Variants in CLIP1 observed in about 807,000 individuals in gnomAD.
The protein encoded by CLIP1 is CAP-Gly domain containing linker protein 1.
Under a neutral mutation model 161.6 loss-of-function variants are expected in CLIP1, and 66 were observed. The ratio of observed to expected loss-of-function variants is 0.41; its 90% CI spans 0.33 to 0.50. The LOEUF (loss-of-function observed/expected upper bound fraction) is 0.50, where lower values mean the gene tolerates loss of function less well. Ranked by LOEUF, CLIP1 falls within the 20% of genes least tolerant of loss-of-function variation. The probability of loss-of-function intolerance (pLI) is 0.27; values close to 1 mark genes in which losing one functional copy is unlikely to be tolerated. For synonymous variants in CLIP1, 598 were observed against 626.2 expected, an observed-to-expected ratio of 0.96 and a Z score of 0.67; for missense variants, 1,376 against 1,702.0, an observed-to-expected ratio of 0.81 and a Z score of 3.37.
intron 9 of CLIP1, among the ~76,000 whole-genome samples, chr12:122,350,015 C>T (rs1952947575): frequency 6.6e-6 from 1 of 151,730 alleles, no homozygotes; most frequent in Non-Finnish European, 1.5e-5. Flanking sequence ...AGCGATTCTC[C>T]TGCCTCAGCC....
intron 11 of CLIP1, among the ~76,000 whole-genome samples, chr12:122,340,331 AG>A (rs1952442219): frequency 6.6e-6 from 1 of 152,130 alleles, no homozygotes; most frequent in Non-Finnish European, 1.5e-5. Context: ...CACCTGCCTC[AG>A]CCTCCCAAAG....
intron 1 of CLIP1, among the ~76,000 whole-genome samples, chr12:122,390,032 G>C (rs983657365): frequency 1.3e-5 from 2 of 149,046 alleles, no homozygotes; most frequent in African/African-American, 2.5e-5. Context: ...GCCATGTGAC[G>C]CGCCTGTTCC....
rs1951901515 is a variant in CLIP1 at position 122,330,597 on chromosome 12, G to GTTTTTTTTTGTTTTTT, written c.2868-2172_2868-2171insAAAAAACAAAAAAAAA. On this transcript the variant is annotated intron_variant, in intron 15 of 25. Transcript: ENST00000620786. Reference sequence around the variant, plus strand: ...TTCAGCACTGAAGAAGTATAATGCAGTTTTTTTTTTTTTTTTTTTTGAGAT... The same window carrying GTTTTTTTTTGTTTTTT: ...TTCAGCACTGAAGAAGTATAATGCAGTTTTTTTTTGTTTTTTTTTTTTTTTTTTTTTTTTTTGAGAT... Among the ~76,000 whole-genome samples, 52 of 101,376 alleles carry GTTTTTTTTTGTTTTTT rather than the reference G, an allele frequency of 5.1e-4. 1 individual carries two copies. Among genetic ancestry groups the GTTTTTTTTTGTTTTTT allele is most frequent in the African/African-American group, 2.1e-3 (48 of 22,774 alleles). 66.5% of individuals were successfully genotyped at this position (101,376 alleles called of 152,430 possible).
At chr12:122,316,141 T>C (rs1450658809) in intron 19 of CLIP1, among the ~76,000 whole-genome samples, 2 of 150,962 alleles carry the variant, frequency 1.3e-5, no homozygotes, top group East Asian at 2.0e-4. Context: ...TCACTTGAGG[T>C]CGGAAGTTCA....
chr12:122,357,372 G>A (rs1425596581), intron 5 of CLIP1, among the ~76,000 whole-genome samples: 5 of 149,592 alleles, frequency 3.3e-5, no homozygotes, highest in Admixed American at 6.6e-5. Flanking sequence ...CAACCGCCCC[G>A]TCTGAGAAGT....
rs367691039 is a variant in CLIP1 at position 122,327,989 on chromosome 12, C to G, written c.3207G>C (p.Leu1069=). The change falls in exon 17 of 26, where the codon CTG becomes CTC. Residue 1069 remains leucine, a synonymous_variant. Coordinates refer to ENST00000620786, the MANE Select transcript of CLIP1 (RefSeq NM_001247997.2). ...GCTTTCTCAGCTCCTCCAGCTCCTG[C>G]AGCAAGCCACTGTTCTCCTCCCGTG... The part of the protein sequence containing the change: ...KGAREENSGL[L]QELEELRKQA... 5.0e-6 allele frequency: 8 copies of G among 1,614,150 alleles called. No homozygotes were observed. In the African/African-American group the frequency reaches 1.1e-4, roughly 22 times the overall value.
chr12:122,275,652 A>ATG (rs1566065855), intron 24 of CLIP1: 141 of 151,078 alleles, frequency 9.3e-4, no homozygotes, highest in African/African-American at 3.2e-3. Flanking sequence ...GCGCACACAC[A>ATG]CACACACACA....
rs1376849580 is a variant in CLIP1, at chr12:122,332,972, AAC to A, written c.2867+13_2867+14del. ...CTAACCTAAGGTCAGCACTCTTTTCAACAGTCACATATACCTTTCTTTCAGAC... is the reference window on the plus strand; with the variant it reads ...CTAACCTAAGGTCAGCACTCTTTTCAAGTCACATATACCTTTCTTTCAGAC... On this transcript the variant is annotated intron_variant, in intron 15 of 25. Coordinates refer to ENST00000620786, the MANE Select transcript of CLIP1 (RefSeq NM_001247997.2). 1.9e-6 allele frequency: 3 copies of A among 1,608,824 alleles called. No individual in the cohort carries two copies. The highest frequency in any genetic ancestry group is 1.7e-5 in the Admixed American group (1 of 59,354).
Position 122,363,570 on chromosome 12 carries a change from G to A in CLIP1, c.782+413C>T, listed in dbSNP as rs142349048. 4.0e-5 allele frequency among the ~76,000 whole-genome samples: 6 copies of A among 151,704 alleles called. No homozygotes were observed. In the East Asian group the frequency reaches 1.2e-3, roughly 29 times the overall value. On this transcript the variant is annotated intron_variant, in intron 4 of 25. Coordinates refer to ENST00000620786, the MANE Select transcript of CLIP1 (RefSeq NM_001247997.2). ...CTTGGCGGTCTGTTCTCCTGCCGCA[G>A]GATGGAATTCTCATCAAATATGAAG...
At chr12:122,387,590 A>ATTTTTTTTTTT (rs139790813) in intron 1 of CLIP1, among the ~76,000 whole-genome samples, 3 of 6,270 alleles carry the variant, frequency 4.8e-4, no homozygotes, top group African/African-American at 6.8e-4. Flanking sequence ...ATATATATAT[A>ATTTTTTTTTTT]TTTTTTTTTT....
At chr12:122,371,890 A>T (rs977366790) in intron 3 of CLIP1, among the ~76,000 whole-genome samples, 2 of 152,234 alleles carry the variant, frequency 1.3e-5, no homozygotes, top group Non-Finnish European at 2.9e-5. Flanking sequence ...TGCTTAACGC[A>T]GCTTCTCTGC....
intron 1 of CLIP1, among the ~76,000 whole-genome samples, chr12:122,382,971 C>T (rs1955072617): frequency 6.6e-6 from 1 of 152,182 alleles, no homozygotes; most frequent in Non-Finnish European, 1.5e-5. Context: ...ACTCTCACCA[C>T]ACAGCTTGCA....
chr12:122,412,996 A>G (rs1373468550), intron 1 of CLIP1, among the ~76,000 whole-genome samples: 1 of 152,206 alleles, frequency 6.6e-6, no homozygotes, highest in Admixed American at 6.5e-5. Context: ...GTTTCATGTA[A>G]TAAAGACACC....
At chr12:122,309,551 T>C (rs1166790715) in intron 20 of CLIP1, among the ~76,000 whole-genome samples, 1 of 152,200 alleles carries the variant, frequency 6.6e-6, no homozygotes, top group Non-Finnish European at 1.5e-5. Flanking sequence ...GTGTTCTGTG[T>C]GTTTTTTAAA....
At chr12:122,354,336 A>C in intron 7 of CLIP1, 117 bp downstream of exon 7, 1 of 639,606 alleles carries the variant, frequency 1.6e-6, no homozygotes, top group South Asian at 1.7e-5. Context: ...CAGAGGTTGT[A>C]GTGAGCTGAG....
chr12:122,341,763 T>C (rs12828887), intron 10 of CLIP1, 66 bp from the exon 11 acceptor site: 5,232 of 121,968 alleles, frequency 0.043, 151 homozygotes, highest in East Asian at 0.4. Flanking sequence ...TTTTCTTTTC[T>C]TTTTTTTTTT....
intron 11 of CLIP1, among the ~76,000 whole-genome samples, chr12:122,338,589 C>A (rs1053651533): frequency 1.3e-5 from 2 of 151,960 alleles, no homozygotes; most frequent in Admixed American, 6.6e-5. Flanking sequence ...TGATGGCGGG[C>A]GCCTGTAATC....
chr12:122,279,213 G>C lies in CLIP1; in HGVS notation c.3648-68C>G. Reference sequence around the variant, plus strand: ...GACTGGTCAGTGTACAACTGTTCTAGAACAAACACATAATTAATGTTAGTT... The same window carrying C: ...GACTGGTCAGTGTACAACTGTTCTACAACAAACACATAATTAATGTTAGTT... On this transcript the variant is annotated intron_variant, in intron 21 of 25. Transcript: ENST00000620786. The surrounding 1 kb of genome is among the most constrained non-coding windows in gnomAD (Gnocchi z 4.5). The C allele has an allele frequency of 1.0e-6, 1 of 973,878 alleles. No individual in the cohort carries two copies. Among genetic ancestry groups the C allele is most frequent in the Non-Finnish European group, 1.5e-6 (1 of 659,510 alleles). 60.3% of individuals were successfully genotyped at this position (973,878 alleles called of 1,614,324 possible).
At chr12:122,340,423 G>A (rs1952446943) in intron 11 of CLIP1, among the ~76,000 whole-genome samples, 1 of 152,156 alleles carries the variant, frequency 6.6e-6, no homozygotes. Flanking sequence ...ACACCATAGT[G>A]TTAGGGCATT....
Sources: allele counts gnomAD v4.1 joint callset (sites outside exome capture counted in the v4.1 genomes callset), GRCh38; gene constraint gnomAD v4.1.1; non-coding constraint Gnocchi (gnomAD v3.1); transcripts MANE v1.5; gene names NCBI Gene and HGNC (gene_info 2026-07-23, HGNC 2026-07-21).